Variants in JAZF1 observed in about 807,000 individuals in gnomAD.
JAZF1 encodes the protein juxtaposed with another zinc finger protein 1.
In JAZF1, 8 loss-of-function variants were observed where a neutral mutation model predicts 26.4. The observed-to-expected ratio is 0.30, with a 90% confidence interval of 0.18 to 0.55. The LOEUF is 0.55. JAZF1 is among the 20% of genes least tolerant of loss of function. The pLI, the probability that JAZF1 is intolerant of heterozygous loss-of-function variation, is 0.94. For synonymous variants in JAZF1, 126 were observed against 122.3 expected (o/e 1.03, Z -0.20); for missense variants, 199 against 322.0 (o/e 0.62, Z 2.92).
intron 1 of JAZF1, chr7:28,071,583 A>G (rs1472363596): frequency 2.1e-6 from 1 of 471,666 alleles, no homozygotes; most frequent in Non-Finnish European, 4.4e-6. Flanking sequence ...ACCAGCTCCT[A>G]ATCTGCCAAG....
intron 2 of JAZF1, among the ~76,000 whole-genome samples, chr7:27,986,046 C>G (rs1213838141): frequency 6.6e-6 from 1 of 152,164 alleles, no homozygotes; most frequent in Non-Finnish European, 1.5e-5. Context: ...CCTTTTAAGA[C>G]TGGCACAAGA....
At chr7:27,980,017 T>C (rs1785550587) in intron 2 of JAZF1, among the ~76,000 whole-genome samples, 1 of 152,212 alleles carries the variant, frequency 6.6e-6, no homozygotes. Flanking sequence ...ATGGCAATTA[T>C]TCTTATTTTT....
chr7:28,055,977 T>C (rs761460299), intron 1 of JAZF1, among the ~76,000 whole-genome samples: 12 of 152,210 alleles, frequency 7.9e-5, no homozygotes, highest in East Asian at 1.9e-4. Flanking sequence ...CATTGTACTA[T>C]GGTGCTTATC....
intron 3 of JAZF1, among the ~76,000 whole-genome samples, chr7:27,851,966 C>T (rs1408515533): frequency 6.6e-6 from 1 of 151,332 alleles, no homozygotes; most frequent in Non-Finnish European, 1.5e-5. Flanking sequence ...CCTGGGGGTT[C>T]TGAGTTATGG....
intron 1 of JAZF1, among the ~76,000 whole-genome samples, chr7:28,170,991 T>C (rs1024477957): frequency 6.6e-6 from 1 of 152,136 alleles, no homozygotes; most frequent in Non-Finnish European, 1.5e-5. Context: ...GAAAGGAAAA[T>C]CAATCTCGGG....
chr7:28,033,310 TGTGGATAAAGACTTGA>T lies in JAZF1; in HGVS notation c.116-41345_116-41330del, dbSNP rs1783225251. Among the ~76,000 whole-genome samples, 3 of 152,154 alleles carry T rather than the reference TGTGGATAAAGACTTGA, an allele frequency of 2.0e-5. No individual in the cohort carries two copies. In the South Asian group the frequency reaches 6.2e-4, roughly 32 times the overall value. On this transcript the variant is annotated intron_variant, in intron 1 of 4. Transcript: ENST00000283928. ...CACAGATTTGGAGCCTAGTGTGTAA[TGTGGATAAAGACTTGA>T]GGCTGGCAAGGTGGCAGAGGACAAT...
intron 1 of JAZF1, among the ~76,000 whole-genome samples, chr7:28,059,516 T>C (rs886523163): frequency 1.3e-5 from 2 of 152,114 alleles, no homozygotes; most frequent in Admixed American, 6.6e-5. Flanking sequence ...CATATTTTGG[T>C]TTTTTAAGCT....
At chr7:27,843,439 A>G (rs777264577) in intron 3 of JAZF1, 2 of 152,148 alleles carry the variant, frequency 1.3e-5, no homozygotes, top group African/African-American at 2.4e-5. Flanking sequence ...GGATAGGAGG[A>G]CCTCCATAGA....
At chr7:28,088,822 CTG>C (rs1256056386) in intron 1 of JAZF1, among the ~76,000 whole-genome samples, 2 of 152,226 alleles carry the variant, frequency 1.3e-5, no homozygotes, top group Non-Finnish European at 2.9e-5. Flanking sequence ...ATGGATGTTT[CTG>C]TGAGTTTACA....
At position 27,837,096 on chromosome 7, in the gene JAZF1, C is replaced by G. The variant is rs57106494; in HGVS notation, c.555+3602G>C. Among the ~76,000 whole-genome samples the G allele has an allele frequency of 3.4e-3, 521 of 152,296 alleles. 1 individual carries two copies. Among genetic ancestry groups the G allele is most frequent in the African/African-American group, 0.011 (460 of 41,560 alleles). ...TCTGTTGCTGAAACAATCAATGTAC[C>G]TCTCTGCAGCAGAGGACTCCAGAGG... On this transcript the variant is annotated intron_variant, in intron 4 of 4. Transcript: ENST00000283928.
intron 2 of JAZF1, among the ~76,000 whole-genome samples, chr7:27,908,327 C>CA (rs1360535655): frequency 6.6e-6 from 1 of 152,152 alleles, no homozygotes; most frequent in East Asian, 1.9e-4. Flanking sequence ...AATAATAAGA[C>CA]AGTAAAACTA....
At chr7:28,154,601 A>G (rs1386196033) in intron 1 of JAZF1, among the ~76,000 whole-genome samples, 1 of 151,750 alleles carries the variant, frequency 6.6e-6, no homozygotes, top group East Asian at 1.9e-4. Context: ...AAGGAATTCC[A>G]CTCACATTCT....
intron 1 of JAZF1, among the ~76,000 whole-genome samples, chr7:28,178,694 T>C (rs1029099414): frequency 6.6e-6 from 1 of 152,240 alleles, no homozygotes; most frequent in Non-Finnish European, 1.5e-5. Flanking sequence ...TTCAAGCACT[T>C]TCAGTTATGA....
At chr7:27,842,469 G>A (rs1032309564) in intron 3 of JAZF1, 1 of 152,092 alleles carries the variant, frequency 6.6e-6, no homozygotes, top group African/African-American at 2.4e-5. Flanking sequence ...GAAGCAGTCT[G>A]TTTTGAAGTC....
At chr7:27,849,412 C>T (rs1172728664) in intron 3 of JAZF1, among the ~76,000 whole-genome samples, 1 of 152,166 alleles carries the variant, frequency 6.6e-6, no homozygotes, top group Non-Finnish European at 1.5e-5. Context: ...ATGGTGTTCG[C>T]TAATGTTAGA....
At chr7:27,956,211 C>T (rs78452618) in intron 2 of JAZF1, among the ~76,000 whole-genome samples, 7,686 of 152,134 alleles carry the variant, frequency 0.051, 423 homozygotes, top group African/African-American at 0.13. Context: ...CAGGGAGGAA[C>T]GTAGTGGAGG....
intron 3 of JAZF1, among the ~76,000 whole-genome samples, chr7:27,862,796 T>C (rs865920621): frequency 1.8e-4 from 28 of 152,238 alleles, no homozygotes; most frequent in African/African-American, 6.0e-4. Context: ...GCTTTCTGTA[T>C]TTTGGGTGCA....
At chr7:27,851,397 C>CA (rs1225471207) in intron 3 of JAZF1, among the ~76,000 whole-genome samples, 7 of 152,158 alleles carry the variant, frequency 4.6e-5, no homozygotes, top group Non-Finnish European at 8.8e-5. Context: ...CACCTGTTCA[C>CA]ACACACTTTG....
Position 28,151,286 on chromosome 7 carries a change from G to T in JAZF1, c.115+29177C>A, listed in dbSNP as rs576781201. 3.7e-3 allele frequency among the ~76,000 whole-genome samples: 555 copies of T among 151,208 alleles called. 1 individual carries two copies. The highest frequency in any genetic ancestry group is 0.01 in the Middle Eastern group (3 of 294). On this transcript the variant is annotated intron_variant, in intron 1 of 4. Transcript: ENST00000283928. ...ACTCGGCTAATTTTTTGTATTTTTA[G>T]TACAGACAAGGTTTCACCATGTTGC...
Sources: gnomAD v4.1 joint callset for allele counts (sites outside exome capture counted in the v4.1 genomes callset) on GRCh38, gnomAD v4.1.1 for gene constraint, MANE v1.5 for transcripts, NCBI Gene and HGNC (gene_info 2026-07-23, HGNC 2026-07-21) for gene names.